Variants in EFCAB11 observed in about 807,000 individuals in gnomAD.
EFCAB11 encodes EF-hand calcium-binding domain-containing protein 11.
A neutral mutation model predicts 23.0 loss-of-function variants in EFCAB11; 14 were observed. The observed-to-expected ratio is 0.61, with a 90% CI of 0.40 to 0.95. The LOEUF (loss-of-function observed/expected upper bound fraction) is 0.95. Ranked by LOEUF, EFCAB11 falls within the 40% of genes least tolerant of loss-of-function variation. EFCAB11 has a pLI of 0.00. For missense variants in EFCAB11, 198 were observed against 195.8 expected (o/e 1.01, Z -0.07); for synonymous variants, 65 against 66.6 (o/e 0.98, Z 0.11).
At chr14:89,824,283 A>AAT (rs1886621359) in intron 5 of EFCAB11, among the ~76,000 whole-genome samples, 1 of 152,156 alleles carries the variant, frequency 6.6e-6, no homozygotes, top group African/African-American at 2.4e-5. Context: ...AAAGTGTGGA[A>AAT]ATATATATAT....
At chr14:89,946,386 G>A (rs975847356) in intron 3 of EFCAB11, among the ~76,000 whole-genome samples, 1 of 152,050 alleles carries the variant, frequency 6.6e-6, no homozygotes, top group Non-Finnish European at 1.5e-5. Flanking sequence ...TTTAAAGTGG[G>A]CTTCTAGGCA....
chr14:89,875,432 T>C (rs1888406264), intron 5 of EFCAB11, among the ~76,000 whole-genome samples: 1 of 152,068 alleles, frequency 6.6e-6, no homozygotes, highest in African/African-American at 2.4e-5. Context: ...AATTGTGAGG[T>C]ACTTTGTTAC....
intron 2 of EFCAB11, 82 bp downstream of exon 2, chr14:89,953,824 T>C (rs1032218482): frequency 1.7e-6 from 2 of 1,176,108 alleles, no homozygotes; most frequent in African/African-American, 3.1e-5. Context: ...ATAAACATCC[T>C]AAGCTAGCCC....
intron 5 of EFCAB11, among the ~76,000 whole-genome samples, chr14:89,903,517 G>A (rs138532810): frequency 2.4e-4 from 37 of 151,498 alleles, no homozygotes; most frequent in African/African-American, 8.3e-4. Context: ...CTAAGCAAAG[G>A]CTGTTTTGCT....
chr14:89,913,269 G>A (rs768358059), intron 5 of EFCAB11, among the ~76,000 whole-genome samples: 1 of 152,122 alleles, frequency 6.6e-6, no homozygotes, highest in Non-Finnish European at 1.5e-5. Flanking sequence ...TTGGTAACAG[G>A]GCGGACATGA....
intron 5 of EFCAB11, among the ~76,000 whole-genome samples, chr14:89,812,540 T>C (rs1292793613): frequency 1.3e-5 from 2 of 152,192 alleles, no homozygotes; most frequent in Non-Finnish European, 2.9e-5. Context: ...TTTTAGAACA[T>C]ATTGTCAGAA....
At chr14:89,830,875 T>C (rs1488917365) in intron 5 of EFCAB11, 7 of 152,182 alleles carry the variant, frequency 4.6e-5, no homozygotes, top group East Asian at 3.8e-4. Context: ...AAAAGCAACA[T>C]AGTAAGTGGT....
At chr14:89,943,518 C>T (rs1045148687) in intron 3 of EFCAB11, among the ~76,000 whole-genome samples, 18 of 152,178 alleles carry the variant, frequency 1.2e-4, no homozygotes, top group African/African-American at 4.3e-4. Context: ...CATGGGACTA[C>T]AGGCGTGAGC....
chr14:89,907,122 G>A (rs1172726485), intron 5 of EFCAB11, among the ~76,000 whole-genome samples: 2 of 152,072 alleles, frequency 1.3e-5, no homozygotes, highest in East Asian at 1.9e-4. Context: ...AGTTTCCCAC[G>A]ACTATGACAT....
chr14:89,938,709 G>A (rs1292505771), intron 3 of EFCAB11, among the ~76,000 whole-genome samples: 1 of 152,008 alleles, frequency 6.6e-6, no homozygotes, highest in Non-Finnish European at 1.5e-5. Flanking sequence ...ATCACCTGAG[G>A]TCAGGAGTTA....
intron 5 of EFCAB11, among the ~76,000 whole-genome samples, chr14:89,840,521 T>C (rs1021641778): frequency 6.6e-6 from 1 of 152,198 alleles, no homozygotes; most frequent in Non-Finnish European, 1.5e-5. Flanking sequence ...GGAACAAATA[T>C]CAAAATAAGC....
chr14:89,934,096 C>G (rs986171192), intron 3 of EFCAB11, among the ~76,000 whole-genome samples: 1 of 152,146 alleles, frequency 6.6e-6, no homozygotes, highest in Admixed American at 6.5e-5. Context: ...AACTCACAGG[C>G]TCTTGTGGGC....
intron 5 of EFCAB11, among the ~76,000 whole-genome samples, chr14:89,882,362 A>C (rs1463420438): frequency 6.6e-6 from 1 of 152,146 alleles, no homozygotes; most frequent in African/African-American, 2.4e-5. Flanking sequence ...TAGAATACTG[A>C]TCATTTTGAT....
At chr14:89,885,882 C>G in intron 5 of EFCAB11, among the ~76,000 whole-genome samples, 1 of 144,044 alleles carries the variant, frequency 6.9e-6, no homozygotes, top group Non-Finnish European at 1.5e-5. Flanking sequence ...TTGTTTTTTT[C>G]TTTTTTTTTC....
intron 5 of EFCAB11, among the ~76,000 whole-genome samples, chr14:89,804,617 T>C (rs1368767958): frequency 6.6e-6 from 1 of 152,206 alleles, no homozygotes; most frequent in African/African-American, 2.4e-5. Context: ...ATGGAAAGTT[T>C]ATTTTGAGAG....
At chr14:89,886,645 TAAGAC>T (rs1322952787) in intron 5 of EFCAB11, among the ~76,000 whole-genome samples, 2 of 151,848 alleles carry the variant, frequency 1.3e-5, no homozygotes, top group South Asian at 2.1e-4. Flanking sequence ...TGACAAATAT[TAAGAC>T]AAGATAAAGG....
chr14:89,798,572 T>C (rs1381373612), intron 5 of EFCAB11, among the ~76,000 whole-genome samples: 1 of 152,244 alleles, frequency 6.6e-6, no homozygotes, highest in Non-Finnish European at 1.5e-5. Flanking sequence ...TAAACGGCCT[T>C]TTTTCTTTCC....
chr14:89,871,777 CCT>C (rs748752516), intron 5 of EFCAB11, among the ~76,000 whole-genome samples: 16 of 152,300 alleles, frequency 1.1e-4, no homozygotes, highest in Admixed American at 2.0e-4. Context: ...ACCTTTTCCC[CCT>C]GACTCCATCA....
At chr14:89,823,821 C>T (rs924914094) in intron 5 of EFCAB11, among the ~76,000 whole-genome samples, 1 of 152,116 alleles carries the variant, frequency 6.6e-6, no homozygotes, top group African/African-American at 2.4e-5. Context: ...GGATCAATGT[C>T]ACATTAAATA....
Sources: gnomAD v4.1 joint callset for allele counts (sites outside exome capture counted in the v4.1 genomes callset) on GRCh38, gnomAD v4.1.1 for gene constraint, MANE v1.5 for transcripts, NCBI Gene and HGNC (gene_info 2026-07-23, HGNC 2026-07-21) for gene names.